SEMA5A: variants seen among roughly 807,000 people sequenced by gnomAD.
The protein encoded by SEMA5A is semaphorin-5A.
A neutral mutation model predicts 135.5 loss-of-function variants in SEMA5A; 55 were observed. The observed-to-expected ratio is 0.41, with a 90% CI of 0.33 to 0.51. The LOEUF is 0.51. SEMA5A is among the 20% of genes least tolerant of loss of function. SEMA5A has a pLI of 0.37. For missense variants in SEMA5A, 1,290 were observed against 1,419.9 expected (o/e 0.91, Z 1.47); for synonymous variants, 580 against 546.5 (o/e 1.06, Z -0.85).
intron 12 of SEMA5A, among the ~76,000 whole-genome samples, chr5:9,137,403 A>T (rs1412889823): frequency 1.3e-5 from 2 of 152,230 alleles, no homozygotes; most frequent in Non-Finnish European, 2.9e-5. Flanking sequence ...TTCATACACT[A>T]CATGGGCATT....
chr5:9,208,271 G>C (rs1746158148), intron 8 of SEMA5A, among the ~76,000 whole-genome samples: 1 of 152,174 alleles, frequency 6.6e-6, no homozygotes, highest in Non-Finnish European at 1.5e-5. Flanking sequence ...ATCAAATTAA[G>C]ATCTACACTT....
chr5:9,323,052 C>T (rs368996772), intron 4 of SEMA5A, among the ~76,000 whole-genome samples: 20 of 152,196 alleles, frequency 1.3e-4, no homozygotes, highest in Non-Finnish European at 2.5e-4. Context: ...TTTGAGCCTA[C>T]GGGTCTGGCT....
At chr5:9,301,698 C>T (rs1484142895) in intron 5 of SEMA5A, among the ~76,000 whole-genome samples, 2 of 152,112 alleles carry the variant, frequency 1.3e-5, no homozygotes, top group Admixed American at 1.3e-4. Context: ...TGATTAAGGG[C>T]ACTTGGGTCA....
At chr5:9,544,621 C>T (rs930685597) in intron 1 of SEMA5A, among the ~76,000 whole-genome samples, 1 of 152,352 alleles carries the variant, frequency 6.6e-6, no homozygotes, top group South Asian at 2.1e-4. Context: ...TGTGGCGCCT[C>T]GTCCTCCGAG....
At chr5:9,238,691 A>G (rs1410725679) in intron 5 of SEMA5A, among the ~76,000 whole-genome samples, 1 of 149,904 alleles carries the variant, frequency 6.7e-6, no homozygotes, top group African/African-American at 2.4e-5. Context: ...AAATTGAGGC[A>G]CCTGGGCTTT....
At chr5:9,351,382 T>C (rs1049259514) in intron 3 of SEMA5A, among the ~76,000 whole-genome samples, 1 of 152,234 alleles carries the variant, frequency 6.6e-6, no homozygotes, top group Non-Finnish European at 1.5e-5. Flanking sequence ...GTAATAGATA[T>C]GTGGCTAGAA....
At chr5:9,403,507 C>T (rs1756752384) in intron 2 of SEMA5A, among the ~76,000 whole-genome samples, 1 of 152,130 alleles carries the variant, frequency 6.6e-6, no homozygotes, top group African/African-American at 2.4e-5. Flanking sequence ...TTCAGCTGCT[C>T]GTTACAACAC....
At chr5:9,252,091 C>T (rs144907797) in intron 5 of SEMA5A, among the ~76,000 whole-genome samples, 18 of 152,320 alleles carry the variant, frequency 1.2e-4, no homozygotes, top group South Asian at 8.3e-4. Context: ...TAATTCCTTC[C>T]TGTCTCACCA....
At chr5:9,437,180 G>A in intron 2 of SEMA5A, among the ~76,000 whole-genome samples, 1 of 152,180 alleles carries the variant, frequency 6.6e-6, no homozygotes, top group East Asian at 1.9e-4. Flanking sequence ...ACTGAAACCA[G>A]GTAGGCAGTC....
At chr5:9,428,715 A>T (rs1757754576) in intron 2 of SEMA5A, among the ~76,000 whole-genome samples, 1 of 152,234 alleles carries the variant, frequency 6.6e-6, no homozygotes, top group Non-Finnish European at 1.5e-5. Flanking sequence ...ACAGTCTATA[A>T]TGGCTACAGC....
At chr5:9,483,678 C>T (rs969855511) in intron 1 of SEMA5A, among the ~76,000 whole-genome samples, 1 of 152,208 alleles carries the variant, frequency 6.6e-6, no homozygotes. Flanking sequence ...TCTGGTTCCC[C>T]TTACCCTGGT....
intron 11 of SEMA5A, among the ~76,000 whole-genome samples, chr5:9,162,699 T>A (rs1452043602): frequency 6.6e-6 from 1 of 151,554 alleles, no homozygotes; most frequent in Admixed American, 6.6e-5. Context: ...CTGATTTTGG[T>A]CATCTCTAAA....
chr5:9,265,070 TC>T (rs1382541405), intron 5 of SEMA5A, among the ~76,000 whole-genome samples: 1 of 152,150 alleles, frequency 6.6e-6, no homozygotes, highest in Non-Finnish European at 1.5e-5. Context: ...TAGGGAAAAT[TC>T]TTACTATGTG....
chr5:9,358,109 C>T (rs1171022923), intron 3 of SEMA5A, among the ~76,000 whole-genome samples: 1 of 152,036 alleles, frequency 6.6e-6, no homozygotes, highest in Non-Finnish European at 1.5e-5. Flanking sequence ...TTCTTCTGTC[C>T]CCACTGCTTT....
intron 5 of SEMA5A, among the ~76,000 whole-genome samples, chr5:9,257,841 A>C (rs1349660567): frequency 6.6e-6 from 1 of 152,158 alleles, no homozygotes; most frequent in Non-Finnish European, 1.5e-5. Flanking sequence ...AACAGGGTAC[A>C]CAGGGGTGTG....
At chr5:9,473,382 G>GT (rs200789470) in intron 1 of SEMA5A, among the ~76,000 whole-genome samples, 4 of 1,774 alleles carry the variant, frequency 2.3e-3, no homozygotes, top group African/African-American at 7.5e-3. Context: ...GCAATCAGTG[G>GT]TAAAAAAAAA....
At chr5:9,344,110 T>C (rs889961714) in intron 3 of SEMA5A, among the ~76,000 whole-genome samples, 6 of 152,244 alleles carry the variant, frequency 3.9e-5, no homozygotes, top group Admixed American at 3.3e-4. Context: ...TTCTTACTTA[T>C]ACTTCTTTAT....
At chr5:9,284,599 A>T (rs1370414966) in intron 5 of SEMA5A, among the ~76,000 whole-genome samples, 1 of 152,150 alleles carries the variant, frequency 6.6e-6, no homozygotes, top group East Asian at 1.9e-4. Flanking sequence ...TAACAATCAC[A>T]AGTGATGGTA....
chr5:9,179,576 C>T (rs892038790), intron 11 of SEMA5A, among the ~76,000 whole-genome samples: 4 of 152,174 alleles, frequency 2.6e-5, no homozygotes, highest in African/African-American at 4.8e-5. Context: ...ATTCAGAAAA[C>T]ATGTTTAAAA....
Sources: allele counts gnomAD v4.1 joint callset (sites outside exome capture counted in the v4.1 genomes callset), GRCh38; gene constraint gnomAD v4.1.1; transcripts MANE v1.5; gene names NCBI Gene and HGNC (gene_info 2026-07-23, HGNC 2026-07-21).